The following SYT10 variants were observed in gnomAD, a reference collection of about 807,000 sequenced individuals.
The protein encoded by SYT10 is synaptotagmin 10, also known as synaptotagmin-10.
SYT10 carries 31 observed loss-of-function variants against 51.1 expected under a neutral mutation model. That is an observed-to-expected ratio of 0.61 (90% confidence interval 0.46 to 0.82). The LOEUF is 0.82. Among genes scored for constraint, SYT10 ranks in the 40% least tolerant of loss-of-function variants. The pLI is 0.00. For synonymous variants in SYT10, 233 were observed against 225.9 expected (o/e 1.03, Z -0.28); for missense variants, 603 against 634.0 (o/e 0.95, Z 0.53).
intron 2 of SYT10, among the ~76,000 whole-genome samples, chr12:33,411,777 A>C (rs1186171909): frequency 6.6e-6 from 1 of 152,142 alleles, no homozygotes; most frequent in Non-Finnish European, 1.5e-5. Flanking sequence ...ATGCCACTCT[A>C]ATGCATTAGG....
Position 33,407,416 on chromosome 12 carries a change from T to C in SYT10, c.510-60A>G, listed in dbSNP as rs559878588. On this transcript the variant is annotated intron_variant, in intron 2 of 6. Transcript: ENST00000228567. The stretch of plus-strand genomic sequence containing the variant: ...GGAGATCATTTTGATGAGAATGTTA[T>C]ACAGTGACATATAAACTCTTCCCCA... 56 of 1,543,068 alleles carry C rather than the reference T, an allele frequency of 3.6e-5. No individual in the cohort carries two copies. The South Asian group carries it at 6.5e-4, about 18-fold the overall frequency.
At chr12:33,418,477 A>C (rs1394919389) in intron 2 of SYT10, among the ~76,000 whole-genome samples, 1 of 152,172 alleles carries the variant, frequency 6.6e-6, no homozygotes, top group East Asian at 1.9e-4. Flanking sequence ...AGAGTTCCAG[A>C]GTCATTACCT....
intron 3 of SYT10, among the ~76,000 whole-genome samples, chr12:33,396,252 T>C (rs2138402005): frequency 6.6e-6 from 1 of 152,314 alleles, no homozygotes; most frequent in African/African-American, 2.4e-5. Flanking sequence ...TTTATTTATA[T>C]ACAATTATGT....
At chr12:33,404,427 G>A (rs1338851338) in intron 3 of SYT10, among the ~76,000 whole-genome samples, 3 of 152,064 alleles carry the variant, frequency 2.0e-5, no homozygotes, top group South Asian at 2.1e-4. Context: ...GTCTCGCTCT[G>A]TTGCCCAGGC....
In SYT10 at chr12:33,437,371, A is replaced by C. The variant is rs1592000880; in HGVS notation, c.151+2001T>G. 4.6e-5 allele frequency among the ~76,000 whole-genome samples: 7 copies of C among 152,336 alleles called. 1 individual carries two copies. The highest frequency in any genetic ancestry group is 4.6e-4 in the Admixed American group (7 of 15,298). ...CTCACTTTTTATTCCCAAGGGGAAA[A>C]GTTCAAAAGGAATTCAGACTACAAC... On this transcript the variant is annotated intron_variant, in intron 1 of 6. Coordinates refer to ENST00000228567, the MANE Select transcript of SYT10 (RefSeq NM_198992.4).
chr12:33,427,247 G>C (rs1253385732), intron 1 of SYT10, among the ~76,000 whole-genome samples: 1 of 152,024 alleles, frequency 6.6e-6, no homozygotes, highest in Non-Finnish European at 1.5e-5. Context: ...TATAAAGTAG[G>C]CCAAGGGTGC....
chr12:33,380,347 T>C (rs1351933005), intron 5 of SYT10, among the ~76,000 whole-genome samples: 2 of 152,198 alleles, frequency 1.3e-5, no homozygotes, highest in Non-Finnish European at 2.9e-5. Flanking sequence ...GCTTAATGTT[T>C]TATAACGATG....
At chr12:33,388,745 T>C (rs1003518927) in intron 3 of SYT10, among the ~76,000 whole-genome samples, 2 of 152,194 alleles carry the variant, frequency 1.3e-5, no homozygotes, top group African/African-American at 2.4e-5. Flanking sequence ...CACCAGAATG[T>C]AGCTGGGTAG....
At chr12:33,413,965 C>T (rs1040170785) in intron 2 of SYT10, among the ~76,000 whole-genome samples, 22 of 151,950 alleles carry the variant, frequency 1.4e-4, no homozygotes, top group Admixed American at 3.9e-4. Context: ...CACACATAGG[C>T]TCAAAGTAAA....
chr12:33,386,379 T>C (rs1404680431), intron 3 of SYT10, among the ~76,000 whole-genome samples: 1 of 152,134 alleles, frequency 6.6e-6, no homozygotes, highest in Non-Finnish European at 1.5e-5. Flanking sequence ...TTTTCATTCC[T>C]TTCCCCTCCA....
chr12:33,393,535 C>T (rs1244730630), intron 3 of SYT10, among the ~76,000 whole-genome samples: 1 of 152,170 alleles, frequency 6.6e-6, no homozygotes, highest in Admixed American at 6.5e-5. Context: ...ATTTTAGAGT[C>T]TATCTTAAAT....
intron 4 of SYT10, among the ~76,000 whole-genome samples, chr12:33,382,831 TG>T (rs1226544013): frequency 6.6e-6 from 1 of 152,180 alleles, no homozygotes; most frequent in African/African-American, 2.4e-5. Flanking sequence ...CTTCAATTAC[TG>T]GAAAAGGACC....
chr12:33,412,900 A>C (rs1866419898), intron 2 of SYT10, among the ~76,000 whole-genome samples: 1 of 152,068 alleles, frequency 6.6e-6, no homozygotes, highest in Non-Finnish European at 1.5e-5. Context: ...TAAAGGAGGA[A>C]GTTCGAACCC....
intron 2 of SYT10, 37 bp from the exon 3 acceptor site, chr12:33,407,393 A>G (rs747928805): frequency 6.3e-7 from 1 of 1,581,478 alleles, no homozygotes; most frequent in Non-Finnish European, 8.5e-7. Context: ...TCATTGAGGG[A>G]GATCATTTTG....
At chr12:33,425,808 A>T (rs187052633) in intron 2 of SYT10, among the ~76,000 whole-genome samples, 1 of 152,160 alleles carries the variant, frequency 6.6e-6, no homozygotes, top group Non-Finnish European at 1.5e-5. Context: ...GCAGCTATCA[A>T]CTAATGATAT....
chr12:33,387,473 T>C (rs1281200840), intron 3 of SYT10, among the ~76,000 whole-genome samples: 1 of 152,200 alleles, frequency 6.6e-6, no homozygotes, highest in Admixed American at 6.5e-5. Context: ...ACTACTGTAT[T>C]GCTAGCACAT....
chr12:33,397,484 A>G (rs1698818373), intron 3 of SYT10, among the ~76,000 whole-genome samples: 1 of 152,128 alleles, frequency 6.6e-6, no homozygotes, highest in Admixed American at 6.5e-5. Context: ...GAAGAGAGCA[A>G]TGGACAGAAA....
chr12:33,439,242 G>A lies in SYT10; in HGVS notation c.151+130C>T, dbSNP rs1866663289. 2.4e-5 allele frequency: 29 copies of A among 1,197,444 alleles called. 1 individual carries two copies. The South Asian group carries it at 3.8e-4, about 16-fold the overall frequency. 74.2% of individuals were successfully genotyped at this position (1,197,444 alleles called of 1,614,324 possible). On this transcript the variant is annotated intron_variant, in intron 1 of 6. Coordinates refer to ENST00000228567, the MANE Select transcript of SYT10 (RefSeq NM_198992.4). ...TCAGGAGCTGAGCGAAGGAAGGAGC[G>A]AGGTAGGAAAGCGTGGCGCCCCAAA... is the stretch of plus-strand genomic sequence containing the variant.
chr12:33,404,135 C>G (rs7309838), intron 3 of SYT10, among the ~76,000 whole-genome samples: 13,982 of 152,120 alleles, frequency 0.092, 746 homozygotes, highest in Admixed American at 0.16. Flanking sequence ...TGTCCTAATT[C>G]CTGGAATCTG....
Sources: allele counts gnomAD v4.1 joint callset (sites outside exome capture counted in the v4.1 genomes callset), GRCh38; gene constraint gnomAD v4.1.1; transcripts MANE v1.5; gene names NCBI Gene and HGNC (gene_info 2026-07-23, HGNC 2026-07-21).